The following MPHOSPH9 variants were observed in gnomAD, a reference collection of about 807,000 sequenced individuals.
MPHOSPH9 encodes the protein M-phase phosphoprotein 9.
MPHOSPH9 carries 88 observed loss-of-function variants against 145.5 expected under a neutral mutation model. The ratio of observed to expected loss-of-function variants is 0.60; its 90% CI spans 0.51 to 0.72. The LOEUF is 0.72. Ranked by LOEUF, MPHOSPH9 falls within the 30% of genes least tolerant of loss-of-function variation. MPHOSPH9 has a pLI of 0.00. For missense variants in MPHOSPH9, 1,238 were observed against 1,386.6 expected, an observed-to-expected ratio of 0.89 and a Z score of 1.70; for synonymous variants, 435 against 486.2, an observed-to-expected ratio of 0.89 and a Z score of 1.39.
chr12:123,152,346 G>A, downstream of MPHOSPH9: 1 of 312,860 alleles, frequency 3.2e-6, no homozygotes, highest in South Asian at 2.5e-5. Context: ...AGTATTTATT[G>A]AGTGCCTGTA....
intron 13 of MPHOSPH9, among the ~76,000 whole-genome samples, chr12:123,188,269 T>TA (rs2045534961): frequency 6.6e-6 from 1 of 152,142 alleles, no homozygotes; most frequent in African/African-American, 2.4e-5. Flanking sequence ...GGAAATAATC[T>TA]AGAAAAATAA....
At chr12:123,192,294 T>C (rs10846479) in intron 13 of MPHOSPH9, among the ~76,000 whole-genome samples, 6,652 of 150,218 alleles carry the variant, frequency 0.044, 180 homozygotes, top group South Asian at 0.12. Context: ...TCTCTACCAA[T>C]GATACAAAAA....
chr12:123,240,852 G>C (rs2047924196), intron 1 of MPHOSPH9, among the ~76,000 whole-genome samples: 1 of 148,456 alleles, frequency 6.7e-6, no homozygotes, highest in South Asian at 2.1e-4. Context: ...TCCTGCCTCA[G>C]CCTCAGCACA....
At chr12:123,189,891 G>A (rs1398170049) in intron 13 of MPHOSPH9, among the ~76,000 whole-genome samples, 6 of 151,196 alleles carry the variant, frequency 4.0e-5, no homozygotes, top group Non-Finnish European at 8.8e-5. Context: ...AGCCGAGATG[G>A]TGCCACTGCA....
chr12:123,222,936 CTA>C, intron 4 of MPHOSPH9, 100 bp downstream of exon 4: 3 of 698,724 alleles, frequency 4.3e-6, no homozygotes, highest in Non-Finnish European at 6.4e-6. Flanking sequence ...GACTCCATTT[CTA>C]TATATGTGTG....
intron 13 of MPHOSPH9, among the ~76,000 whole-genome samples, chr12:123,184,775 G>A (rs2045362563): frequency 6.6e-6 from 1 of 151,586 alleles, no homozygotes; most frequent in South Asian, 2.1e-4. Context: ...TGGGATTACA[G>A]GCATGAGCCA....
At position 123,163,302 on chromosome 12, in the gene MPHOSPH9, C is replaced by T. The variant is rs560264599; in HGVS notation, c.2909-168G>A. 1.1e-4 allele frequency: 75 copies of T among 663,440 alleles called. No homozygotes were observed. In the South Asian group the frequency reaches 1.5e-3, roughly 14 times the overall value. The allele number at this position is 663,440 out of a possible 1,614,324, so 41.1% of individuals were successfully genotyped here. ...AAAATAAAATCACTCATAATCCTAACACCTAGAGGTAACCACTGTAACACT... is the reference window on the plus strand; with the variant it reads ...AAAATAAAATCACTCATAATCCTAATACCTAGAGGTAACCACTGTAACACT... On this transcript the variant is annotated intron_variant, in intron 19 of 23. Transcript: ENST00000606320.
intron 13 of MPHOSPH9, among the ~76,000 whole-genome samples, chr12:123,190,780 T>C (rs181911569): frequency 2.6e-4 from 40 of 152,248 alleles, no homozygotes; most frequent in African/African-American, 9.4e-4. Context: ...AGTGAGTACC[T>C]CTAGGGTGGG....
downstream of MPHOSPH9, chr12:123,152,612 C>T (rs958534300): frequency 9.0e-5 from 41 of 456,422 alleles, no homozygotes; most frequent in Non-Finnish European, 1.8e-4. Context: ...TGATTCCTCA[C>T]ATATCTGAGG....
At position 123,227,607 on chromosome 12, in the gene MPHOSPH9, G is replaced by A; in HGVS notation, c.114C>T (p.Pro38=). 6.6e-7 allele frequency: 1 copy of A among 1,512,356 alleles called. No individual in the cohort carries two copies. Among genetic ancestry groups the A allele is most frequent in the Non-Finnish European group, 8.8e-7 (1 of 1,137,750 alleles). 93.7% of individuals were successfully genotyped at this position (1,512,356 alleles called of 1,614,324 possible). ...GLNLNTDRSS[P]HLSTNGVSSF... ...AGGATACCCCATTTGTACTAAGGTG[G>A]GGACTACTTCTGTTGAAACATAAAT... The change falls in exon 3 of 24, where the codon CCC becomes CCT. Residue 38 remains proline (P), a synonymous_variant. Transcript: ENST00000606320.
chr12:123,165,732 T>G, intron 17 of MPHOSPH9: 1 of 356,230 alleles, frequency 2.8e-6, no homozygotes. Flanking sequence ...AAAGGCCATG[T>G]GAGGACATAA....
At position 123,223,052 on chromosome 12, in the gene MPHOSPH9, G is replaced by A. The variant is rs889952579; in HGVS notation, c.334C>T (p.His112Tyr). 6 of 1,517,358 alleles carry A rather than the reference G, an allele frequency of 4.0e-6. No individual in the cohort carries two copies. The highest frequency in any genetic ancestry group is 2.1e-5 in the Admixed American group (1 of 48,268). 94.0% of individuals were successfully genotyped at this position (1,517,358 alleles called of 1,614,324 possible). Reference sequence around the variant, plus strand: ...TGGTAACTTACTTGAATTTGGTTGTGGAACTGCTCCTGCTGGGCAACTATC... The same window carrying A: ...TGGTAACTTACTTGAATTTGGTTGTAGAACTGCTCCTGCTGGGCAACTATC... Reference protein sequence around the residue: ...EQIVAQQEQFHNQIQHIQEEI... With the variant: ...EQIVAQQEQFYNQIQHIQEEI... The change falls in exon 4 of 24, where the codon CAC becomes TAC. Residue 112 changes from histidine to tyrosine, a missense_variant. His to Tyr is a moderately conservative substitution (Grantham distance 83). Transcript: ENST00000606320.
chr12:123,190,158 T>C (rs1378919690), intron 13 of MPHOSPH9, among the ~76,000 whole-genome samples: 8 of 146,078 alleles, frequency 5.5e-5, no homozygotes, highest in East Asian at 2.0e-4. Context: ...TTATTTCTCT[T>C]TTTTTTTTTT....
At chr12:123,179,788 T>C in intron 15 of MPHOSPH9, 138 bp downstream of exon 15, 1 of 441,470 alleles carries the variant, frequency 2.3e-6, no homozygotes, top group Non-Finnish European at 4.1e-6. Flanking sequence ...TATTTCCATG[T>C]CAAGGGAAAA....
chr12:123,204,861 C>T (rs552662978), intron 8 of MPHOSPH9, among the ~76,000 whole-genome samples: 5 of 152,150 alleles, frequency 3.3e-5, no homozygotes, highest in Middle Eastern at 3.4e-3. Context: ...CTAGCCTGGG[C>T]GACAGAGCAA....
At chr12:123,154,183 G>A (rs2043818814), downstream of MPHOSPH9, 2 of 151,114 alleles carry the variant, frequency 1.3e-5, no homozygotes, top group African/African-American at 4.9e-5. Flanking sequence ...ATTTTAAAAG[G>A]CACTTCCCAG....
intron 19 of MPHOSPH9, 65 bp downstream of exon 19, chr12:123,163,885 C>G: frequency 6.3e-7 from 1 of 1,593,778 alleles, no homozygotes; most frequent in Non-Finnish European, 8.6e-7. Flanking sequence ...AAGCAGCGGG[C>G]ACAAATAGAT....
In MPHOSPH9 at chr12:123,198,242, C is replaced by G. The variant is rs1221709809; in HGVS notation, c.2025+5G>C. 1.9e-6 allele frequency: 3 copies of G among 1,604,072 alleles called. No individual in the cohort carries two copies. The highest frequency in any genetic ancestry group is 1.1e-5 in the South Asian group (1 of 89,896). ...CAGAACACCCACCAAAAAAAGAGTACTTACCACTTCAATTTCCAGTAAGTT... is the reference window on the plus strand; with the variant it reads ...CAGAACACCCACCAAAAAAAGAGTAGTTACCACTTCAATTTCCAGTAAGTT... On this transcript the variant is annotated splice_donor_5th_base_variant and intron_variant, in intron 12 of 23. Coordinates refer to ENST00000606320, the MANE Select transcript of MPHOSPH9 (RefSeq NM_022782.4).
At chr12:123,242,208 G>A (rs1194449197) in intron 1 of MPHOSPH9, among the ~76,000 whole-genome samples, 4 of 152,150 alleles carry the variant, frequency 2.6e-5, no homozygotes, top group African/African-American at 4.8e-5. Context: ...CCTTAACTGC[G>A]ATCAGCCATT....
Sources: gnomAD v4.1 joint callset for allele counts (sites outside exome capture counted in the v4.1 genomes callset) on GRCh38, gnomAD v4.1.1 for gene constraint, MANE v1.5 for transcripts, NCBI Gene and HGNC (gene_info 2026-07-23, HGNC 2026-07-21) for gene names.